Variants in MREG observed in about 807,000 individuals in gnomAD.
MREG encodes dilute suppressor protein homolog.
MREG carries 31 observed loss-of-function variants against 28.5 expected under a neutral mutation model. The observed-to-expected ratio is 1.09, with a 90% confidence interval of 0.82 to 1.47. The LOEUF (loss-of-function observed/expected upper bound fraction) is 1.47, where lower values mean the gene tolerates loss of function less well. MREG is among the 40% of genes most tolerant of loss of function. The pLI is 0.00. For missense variants in MREG, 256 were observed against 257.4 expected, an observed-to-expected ratio of 0.99 and a Z score of 0.04; for synonymous variants, 106 against 95.2, an observed-to-expected ratio of 1.11 and a Z score of -0.66.
At chr2:216,001,320 A>C (rs749486538) in intron 1 of MREG, among the ~76,000 whole-genome samples, 2 of 152,170 alleles carry the variant, frequency 1.3e-5, no homozygotes, top group Non-Finnish European at 2.9e-5. Context: ...CCCTGCCCTA[A>C]TTAGAAGCAG....
At chr2:215,958,905 T>C (rs1692706349) in intron 2 of MREG, among the ~76,000 whole-genome samples, 1 of 152,140 alleles carries the variant, frequency 6.6e-6, no homozygotes, top group South Asian at 2.1e-4. Context: ...CTGAGTGCCA[T>C]GGGTAGTAAG....
At chr2:215,988,051 C>T (rs1488984486) in intron 2 of MREG, among the ~76,000 whole-genome samples, 1 of 152,152 alleles carries the variant, frequency 6.6e-6, no homozygotes, top group Non-Finnish European at 1.5e-5. Context: ...AGTTCCTGTT[C>T]CTCTACAGTC....
At chr2:215,960,034 C>T (rs533144705) in intron 2 of MREG, among the ~76,000 whole-genome samples, 3 of 152,080 alleles carry the variant, frequency 2.0e-5, no homozygotes, top group Non-Finnish European at 4.4e-5. Context: ...CGGCTCACTG[C>T]AAGCTCTGCT....
In MREG at chr2:216,026,821, A is replaced by G. The variant is rs73990735; in HGVS notation, c.-68+5968T>C. ...CTGTAAGAACCTTAATTTTTTAATA[A>G]CTAGGAATTACTAAAATGTTACTCT... On this transcript the variant is annotated intron_variant, in intron 1 of 3. Coordinates refer to the MREG transcript ENST00000420348. Among the ~76,000 whole-genome samples, 1,151 of 152,350 alleles carry G rather than the reference A, an allele frequency of 7.6e-3. 21 individuals carry two copies. Among genetic ancestry groups the G allele is most frequent in the African/African-American group, 0.026 (1,088 of 41,586 alleles).
chr2:216,033,147 G>C (rs981541291), upstream of MREG, among the ~76,000 whole-genome samples: 2 of 152,102 alleles, frequency 1.3e-5, no homozygotes, highest in African/African-American at 4.8e-5. Flanking sequence ...TATAGCTGCA[G>C]ACAGATAATG....
In MREG at chr2:215,945,576, C is replaced by T. The variant is rs909824562; in HGVS notation, c.505G>A (p.Val169Ile). Residue 169 changes from valine (V) to isoleucine (I), a missense_variant, in exon 4 of 5, where the codon GTT (valine) becomes ATT (isoleucine). By Grantham distance (29) the Val-to-Ile change is conservative (BLOSUM62 3). Coordinates refer to ENST00000263268, the MANE Select transcript of MREG (RefSeq NM_018000.3). Reference sequence around the variant, plus strand: ...GAAAAAAAGCATCCACTTACCACAACAAAGAGATATCTCTCTGAGAGCTCC... The same window carrying T: ...GAAAAAAAGCATCCACTTACCACAATAAAGAGATATCTCTCTGAGAGCTCC... ...SWELSERYLF[V>I]VDRLIALDAA... The T allele has an allele frequency of 1.9e-6, 3 of 1,612,030 alleles. No individual in the cohort carries two copies. The highest frequency in any genetic ancestry group is 2.5e-6 in the Non-Finnish European group (3 of 1,179,376).
At chr2:216,003,205 C>T (rs1485128917) in intron 1 of MREG, among the ~76,000 whole-genome samples, 3 of 152,130 alleles carry the variant, frequency 2.0e-5, no homozygotes, top group Admixed American at 2.0e-4. Flanking sequence ...ACACTCATGA[C>T]CTCCTTCAGC....
chr2:215,974,844 ACACACACACTCTCT>A (rs1398300853), intron 2 of MREG, among the ~76,000 whole-genome samples: 1 of 147,212 alleles, frequency 6.8e-6, no homozygotes, highest in Admixed American at 6.8e-5. Context: ...ACACACACAC[ACACACACACTCTCT>A]CTCTCTCTCT....
Position 215,944,912 on chromosome 2 carries a change from A to G in MREG, c.596T>C (p.Leu199Pro). ...GTGCAGTTCTTTCTGGCCATCTGCC[A>G]GGCATGGAACCCCAGGCTTCTTGGG... is the stretch of plus-strand genomic sequence containing the variant. ...TYPKKPGVPC[L>P]ADGQKELHYL... The change falls in exon 5 of 5, where the codon CTG becomes CCG. Residue 199 changes from leucine to proline, a missense_variant. By Grantham distance (98) the Leu-to-Pro change is moderately conservative (BLOSUM62 -3). Transcript: ENST00000263268. The G allele has an allele frequency of 6.2e-7, 1 of 1,608,570 alleles. No homozygotes were observed. The highest frequency in any genetic ancestry group is 8.5e-7 in the Non-Finnish European group (1 of 1,175,442).
At chr2:215,986,737 T>G (rs1258412452) in intron 2 of MREG, among the ~76,000 whole-genome samples, 1 of 152,194 alleles carries the variant, frequency 6.6e-6, no homozygotes, top group Non-Finnish European at 1.5e-5. Flanking sequence ...CCTGCCACCA[T>G]GTAAGACATG....
At chr2:215,989,098 G>A (rs1051331343) in intron 2 of MREG, among the ~76,000 whole-genome samples, 3 of 152,170 alleles carry the variant, frequency 2.0e-5, no homozygotes, top group South Asian at 2.1e-4. Flanking sequence ...CTCCTGACCA[G>A]GAGACACCTC....
intron 1 of MREG, among the ~76,000 whole-genome samples, chr2:216,011,230 T>C (rs1334850574): frequency 1.3e-5 from 2 of 152,186 alleles, no homozygotes; most frequent in Non-Finnish European, 2.9e-5. Context: ...AGATGCCTTG[T>C]ATAGGAAAGA....
chr2:216,029,009 G>A (rs1282667050), intron 1 of MREG, among the ~76,000 whole-genome samples: 2 of 152,046 alleles, frequency 1.3e-5, no homozygotes, highest in African/African-American at 4.8e-5. Context: ...GTTAAGTGCA[G>A]ACCACTCAAG....
chr2:216,025,112 T>G (rs1368820325), intron 1 of MREG, among the ~76,000 whole-genome samples: 2 of 152,162 alleles, frequency 1.3e-5, no homozygotes, highest in East Asian at 3.8e-4. Context: ...AGCATGAGAA[T>G]GCATGAAAAT....
intron 2 of MREG, among the ~76,000 whole-genome samples, chr2:215,964,451 G>A (rs913212778): frequency 2.0e-5 from 3 of 151,202 alleles, no homozygotes; most frequent in Non-Finnish European, 2.9e-5. Flanking sequence ...ACCACCGCAC[G>A]CTAGCCTGGA....
At chr2:215,956,198 G>A (rs1395465707) in intron 2 of MREG, among the ~76,000 whole-genome samples, 1 of 152,218 alleles carries the variant, frequency 6.6e-6, no homozygotes, top group African/African-American at 2.4e-5. Flanking sequence ...CAGTTCATGT[G>A]AAAGAAAGGC....
chr2:215,972,072 T>C (rs1693114219), intron 2 of MREG, among the ~76,000 whole-genome samples: 1 of 152,016 alleles, frequency 6.6e-6, no homozygotes, highest in South Asian at 2.1e-4. Context: ...CACAAGATCG[T>C]TTTGGACAGG....
At chr2:216,031,011 T>C (rs574294989) in intron 1 of MREG, among the ~76,000 whole-genome samples, 1 of 151,778 alleles carries the variant, frequency 6.6e-6, no homozygotes, top group East Asian at 1.9e-4. Context: ...CCCTGCTCTC[T>C]CTCTCTCATT....
intron 1 of MREG, among the ~76,000 whole-genome samples, chr2:216,010,683 C>T (rs192022110): frequency 1.3e-5 from 2 of 151,912 alleles, no homozygotes; most frequent in Admixed American, 1.3e-4. Flanking sequence ...AAAGCCACTA[C>T]GTTTATGGGA....
Sources: gnomAD v4.1 joint callset for allele counts (sites outside exome capture counted in the v4.1 genomes callset) on GRCh38, gnomAD v4.1.1 for gene constraint, MANE v1.5 for transcripts, NCBI Gene and HGNC (gene_info 2026-07-23, HGNC 2026-07-21) for gene names.